The following SLC6A13 variants were observed in gnomAD, a reference collection of about 807,000 sequenced individuals.
SLC6A13 encodes the protein sodium- and chloride-dependent GABA transporter 2.
Under a neutral mutation model 72.9 loss-of-function variants are expected in SLC6A13, and 69 were observed. The observed-to-expected ratio is 0.95, with a 90% CI of 0.78 to 1.16. The LOEUF is 1.16. Among genes scored for constraint, SLC6A13 ranks in the 50% most tolerant of loss-of-function variants. The pLI is 0.00. For missense variants in SLC6A13, 735 were observed against 760.5 expected (o/e 0.97, Z 0.39); for synonymous variants, 303 against 303.0 (o/e 1.00, Z 0.00).
At chr12:224,593 G>A (rs1440587439) in intron 9 of SLC6A13, 80 bp from the exon 10 acceptor site, 21 of 1,140,948 alleles carry the variant, frequency 1.8e-5, no homozygotes, top group Non-Finnish European at 2.6e-5. Flanking sequence ...TCCCAGCGTG[G>A]GGCCACAGAA....
intron 2 of SLC6A13, among the ~76,000 whole-genome samples, chr12:249,249 A>G (rs1312134674): frequency 6.6e-6 from 1 of 152,178 alleles, no homozygotes; most frequent in African/African-American, 2.4e-5. Context: ...AAAAAGAAAG[A>G]AAGAAATGAG....
In SLC6A13 at chr12:222,767, G is replaced by A. The variant is rs550508152; in HGVS notation, c.1415-135C>T. On this transcript the variant is annotated intron_variant, in intron 12 of 14. Transcript: ENST00000343164. ...GACATCACAGCTGTCTGTTCAAGTC[G>A]TTGCTGGGAAAAAGCTCTTCCCTGG... 174 of 602,300 alleles carry A rather than the reference G, an allele frequency of 2.9e-4. 2 individuals are homozygous for A. The highest frequency in any genetic ancestry group is 2.5e-3 in the South Asian group (119 of 47,776). The allele number at this position is 602,300 out of a possible 1,614,324, so 37.3% of individuals were successfully genotyped here.
At position 251,146 on chromosome 12, in the gene SLC6A13, ACT is replaced by A. The variant is rs1942531752; in HGVS notation, c.203-7335_203-7334del. Among the ~76,000 whole-genome samples, 5 of 147,576 alleles carry A rather than the reference ACT, an allele frequency of 3.4e-5. No homozygotes were observed. The Admixed American group carries it at 3.4e-4, about 10-fold the overall frequency. ...ACTCCAGCCTGGGCAACAGAGCAAGACTCTGTCTCAAAAAAAAACAAAAAAAA... is the reference window on the plus strand; with the variant it reads ...ACTCCAGCCTGGGCAACAGAGCAAGACTGTCTCAAAAAAAAACAAAAAAAA... On this transcript the variant is annotated intron_variant, in intron 2 of 14. Transcript: ENST00000343164.
At chr12:256,731 A>G (rs998450407) in intron 2 of SLC6A13, 3 of 152,156 alleles carry the variant, frequency 2.0e-5, no homozygotes, top group African/African-American at 4.8e-5. Flanking sequence ...GCTTCTCACT[A>G]AACAAATACT....
At chr12:240,417 T>C (rs727019) in intron 4 of SLC6A13, among the ~76,000 whole-genome samples, 127,349 of 152,208 alleles carry the variant, frequency 0.84, 53,753 homozygotes, top group Non-Finnish European at 0.9. Flanking sequence ...CTTGCCCAGG[T>C]TGGTCTCAAA....
chr12:243,171 G>C (rs1489691493), intron 3 of SLC6A13, among the ~76,000 whole-genome samples: 1 of 151,950 alleles, frequency 6.6e-6, no homozygotes, highest in Admixed American at 6.6e-5. Context: ...CACCATGCCT[G>C]GCTAATTTTT....
intron 11 of SLC6A13, among the ~76,000 whole-genome samples, 168 bp from the exon 12 acceptor site, chr12:223,402 G>A (rs992586160): frequency 2.0e-5 from 3 of 150,598 alleles, no homozygotes; most frequent in African/African-American, 5.0e-5. Context: ...AGCATGAGGC[G>A]GATATGAGAC....
intron 1 of SLC6A13, 69 bp from the exon 2 acceptor site, chr12:260,126 C>T: frequency 1.3e-6 from 2 of 1,511,472 alleles, no homozygotes; most frequent in Non-Finnish European, 1.8e-6. Context: ...CCTGCTTTTA[C>T]CAACAAATCC....
chr12:247,816 G>C (rs1237845314), intron 2 of SLC6A13, among the ~76,000 whole-genome samples: 2 of 151,996 alleles, frequency 1.3e-5, no homozygotes, highest in African/African-American at 4.8e-5. Context: ...AGAGCACAAA[G>C]GTTAGGAGGA....
At chr12:230,244 G>C (rs1941653748) in intron 7 of SLC6A13, among the ~76,000 whole-genome samples, 1 of 152,176 alleles carries the variant, frequency 6.6e-6, no homozygotes, top group Admixed American at 6.5e-5. Context: ...AATTCTGGGT[G>C]GAACGCAGGT....
At chr12:235,018 C>T (rs1025254218) in intron 7 of SLC6A13, 72 bp downstream of exon 7, 6 of 1,570,070 alleles carry the variant, frequency 3.8e-6, no homozygotes, top group Non-Finnish European at 5.3e-6. Context: ...GGTTCCCCGT[C>T]AGAGTGCAGG....
chr12:237,430 T>C lies in SLC6A13; in HGVS notation c.564-140A>G, dbSNP rs1037148652. 13 of 895,322 alleles carry C rather than the reference T, an allele frequency of 1.5e-5. No individual in the cohort carries two copies. The African/African-American group carries it at 2.2e-4, about 15-fold the overall frequency. The allele number at this position is 895,322 out of a possible 1,614,324, so 55.5% of individuals were successfully genotyped here. Reference sequence around the variant, plus strand: ...TGCTCTCTTCACATGAGGCCATCCTTAGCCCAGAGCTGGAGGTGGACATAA... The same window carrying C: ...TGCTCTCTTCACATGAGGCCATCCTCAGCCCAGAGCTGGAGGTGGACATAA... On this transcript the variant is annotated intron_variant, in intron 5 of 14. Transcript: ENST00000343164.
chr12:230,835 G>T (rs982086918), intron 7 of SLC6A13, among the ~76,000 whole-genome samples: 3 of 152,214 alleles, frequency 2.0e-5, no homozygotes, highest in Non-Finnish European at 2.9e-5. Context: ...AGGGCCTGGC[G>T]AATAAGAGGG....
rs1672344225 is a variant in SLC6A13, at chr12:254,084, T to C, written c.202+5767A>G. Among the ~76,000 whole-genome samples, 1 of 152,248 alleles carries C rather than the reference T, an allele frequency of 6.6e-6. No homozygotes were observed. Among genetic ancestry groups the C allele is most frequent in the Admixed American group, 6.5e-5 (1 of 15,290 alleles). On this transcript the variant is annotated intron_variant, in intron 2 of 14. Coordinates refer to ENST00000343164, the MANE Select transcript of SLC6A13 (RefSeq NM_016615.5). The surrounding 1 kb of genome is among the most constrained non-coding windows in gnomAD (Gnocchi z 4.4). ...ATCCAGCATCTCCTCGTCCCATGAC[T>C]GGAACTTTAACTGGGCAGGCCCTAG...
intron 1 of SLC6A13, 95 bp from the exon 2 acceptor site, chr12:260,152 C>T (rs553352762): frequency 4.4e-5 from 58 of 1,332,812 alleles, no homozygotes; most frequent in Non-Finnish European, 5.8e-5. Flanking sequence ...GGAATGAATG[C>T]ACTGGAAGAG....
chr12:258,218 C>T (rs1942810096), intron 2 of SLC6A13, among the ~76,000 whole-genome samples: 1 of 152,212 alleles, frequency 6.6e-6, no homozygotes, highest in African/African-American at 2.4e-5. Flanking sequence ...ACACGACAGC[C>T]CATTTTCATC....
Position 224,061 on chromosome 12 carries a change from G to A in SLC6A13, c.1242C>T (p.Asn414=). The change falls in exon 11 of 15, where the codon AAC becomes AAT. Residue 414 remains asparagine, a synonymous_variant. Transcript: ENST00000343164. The part of the protein sequence containing the change: ...DMYPHVFRKK[N]RREVLILGVS... ...CTCCAAGGATGAGGACTTCCCTCCG[G>A]TTCTTCTTGCGGAACACGTGAGGGT... 1 of 1,614,060 alleles carries A rather than the reference G, an allele frequency of 6.2e-7. No individual in the cohort carries two copies. Among genetic ancestry groups the A allele is most frequent in the Admixed American group, 1.7e-5 (1 of 60,012 alleles).
At chr12:238,154 C>T (rs575770842) in intron 4 of SLC6A13, 144 bp from the exon 5 acceptor site, 38 of 1,539,380 alleles carry the variant, frequency 2.5e-5, no homozygotes, top group African/African-American at 1.8e-4. Context: ...ACAAAACATC[C>T]TCCCACACGT....
intron 2 of SLC6A13, chr12:253,753 T>A (rs1029928332): frequency 3.9e-5 from 6 of 152,234 alleles, no homozygotes; most frequent in African/African-American, 1.2e-4. Flanking sequence ...AGGACCTAGG[T>A]ATGGGAAGAC....
Sources: gnomAD v4.1 joint callset for allele counts (sites outside exome capture counted in the v4.1 genomes callset) on GRCh38, gnomAD v4.1.1 for gene constraint, Gnocchi (gnomAD v3.1) non-coding constraint, MANE v1.5 for transcripts, NCBI Gene and HGNC (gene_info 2026-07-23, HGNC 2026-07-21) for gene names.